The following TTBK2 variants were observed in gnomAD, a reference collection of about 807,000 sequenced individuals.
TTBK2 encodes the protein tau-tubulin kinase 2.
A neutral mutation model predicts 110.8 loss-of-function variants in TTBK2; 28 were observed. The observed-to-expected ratio is 0.25, with a 90% CI of 0.19 to 0.35. The LOEUF is 0.35. TTBK2 is among the 10% of genes least tolerant of loss of function. The probability of loss-of-function intolerance (pLI) is 1.00; values close to 1 mark genes in which losing one functional copy is unlikely to be tolerated. For synonymous variants in TTBK2, 532 were observed against 527.3 expected, an observed-to-expected ratio of 1.01 and a Z score of -0.12; for missense variants, 1,369 against 1,500.3, an observed-to-expected ratio of 0.91 and a Z score of 1.45.
At chr15:42,853,531 G>T (rs1011064685) in intron 3 of TTBK2, among the ~76,000 whole-genome samples, 2 of 151,912 alleles carry the variant, frequency 1.3e-5, no homozygotes, top group African/African-American at 2.4e-5. Flanking sequence ...TCTCATCCAA[G>T]GGAAAAAACA....
At chr15:42,897,702 T>C (rs1895719708) in intron 1 of TTBK2, among the ~76,000 whole-genome samples, 1 of 152,058 alleles carries the variant, frequency 6.6e-6, no homozygotes, top group African/African-American at 2.4e-5. Flanking sequence ...TTTGAATAAA[T>C]TCACAAGGAA....
chr15:42,762,192 C>T (rs1354613508), intron 13 of TTBK2, among the ~76,000 whole-genome samples: 2 of 152,122 alleles, frequency 1.3e-5, no homozygotes, highest in African/African-American at 4.8e-5. Context: ...AGTATGAGAA[C>T]AGAGTAATAC....
rs2061751435 is a variant in TTBK2 at position 42,741,534 on chromosome 15, C to T, written c.*4261G>A. On this transcript the variant is annotated 3_prime_UTR_variant, in exon 15 of 15. Coordinates refer to ENST00000267890, the MANE Select transcript of TTBK2 (RefSeq NM_173500.4). ...GTGACACAGGTGCTAAAGTACCTCT[C>T]CCCTGAGGCAAAGTCCCGACACATC... The T allele has an allele frequency of 6.6e-6, 1 of 152,196 alleles. No homozygotes were observed. The highest frequency in any genetic ancestry group is 6.5e-5 in the Admixed American group (1 of 15,280). The allele number at this position is 152,196 out of a possible 1,614,324, so 9.4% of individuals were successfully genotyped here. A position where few individuals can be genotyped will look rare whatever the true frequency, so the allele number is the denominator to read the frequency against.
At position 42,872,642 on chromosome 15, in the gene TTBK2, T is replaced by C. The variant is rs1348910653; in HGVS notation, c.186A>G (p.Lys62=). 6.2e-7 allele frequency: 1 copy of C among 1,614,130 alleles called. No individual in the cohort carries two copies. Among genetic ancestry groups the C allele is most frequent in the Admixed American group, 1.7e-5 (1 of 60,008 alleles). Residue 62 remains lysine, a synonymous_variant, in exon 3 of 15, where the codon AAA becomes AAG. Coordinates refer to ENST00000267890, the MANE Select transcript of TTBK2 (RefSeq NM_173500.4). ...GCTTTTTCAAAACAGCAACTTCCAT[T>C]TTCAGAACTTGTTTTGGTTGTTGAG... ...ESAQQPKQVL[K]MEVAVLKKLQ... is the part of the protein sequence containing the mutation.
intron 3 of TTBK2, among the ~76,000 whole-genome samples, chr15:42,848,158 A>C (rs1893545684): frequency 6.6e-6 from 1 of 152,216 alleles, no homozygotes; most frequent in Non-Finnish European, 1.5e-5. Flanking sequence ...TGCCTCACAA[A>C]GACATTTTTA....
At chr15:42,873,506 T>A (rs764674324) in intron 2 of TTBK2, among the ~76,000 whole-genome samples, 14 of 151,984 alleles carry the variant, frequency 9.2e-5, no homozygotes, top group Non-Finnish European at 1.5e-4. Flanking sequence ...CTCTCTGAGG[T>A]ACCTAACAGG....
intron 9 of TTBK2, among the ~76,000 whole-genome samples, chr15:42,806,020 T>C (rs1437526198): frequency 6.6e-6 from 1 of 152,168 alleles, no homozygotes; most frequent in Non-Finnish European, 1.5e-5. Flanking sequence ...TCCCAGCACT[T>C]TGGGAGGCCA....
chr15:42,798,129 C>T (rs1326670183), intron 9 of TTBK2: 1 of 430,838 alleles, frequency 2.3e-6, no homozygotes, highest in African/African-American at 2.0e-5. Flanking sequence ...GGTGATCCAC[C>T]CACCTCGGCC....
chr15:42,788,160 A>T (rs962628752), intron 10 of TTBK2, among the ~76,000 whole-genome samples: 1 of 152,226 alleles, frequency 6.6e-6, no homozygotes, highest in Non-Finnish European at 1.5e-5. Flanking sequence ...TACACGGCAC[A>T]TGACTGTAGT....
intron 3 of TTBK2, among the ~76,000 whole-genome samples, chr15:42,852,185 T>A (rs1037051649): frequency 1.3e-5 from 2 of 152,084 alleles, no homozygotes; most frequent in African/African-American, 4.8e-5. Context: ...TTCTCCTGCC[T>A]TAGCCACCTG....
At chr15:42,859,577 T>C (rs1298139714) in intron 3 of TTBK2, among the ~76,000 whole-genome samples, 3 of 152,120 alleles carry the variant, frequency 2.0e-5, no homozygotes, top group Non-Finnish European at 4.4e-5. Flanking sequence ...GAACTAATAA[T>C]AGGACTATGG....
intron 13 of TTBK2, among the ~76,000 whole-genome samples, chr15:42,754,085 CTTTTT>C (rs68057465): frequency 7.6e-6 from 1 of 132,228 alleles, no homozygotes. Context: ...CTAATGTTTT[CTTTTT>C]TTTTTTTTTT....
At position 42,745,778 on chromosome 15, in the gene TTBK2, G is replaced by C. The variant is rs1172025513; in HGVS notation, c.*17C>G. ...GGAGGAAGATCTCACACCTTTCAAA[G>C]AGATGCAGCCTGGCTCCTATCTGCT... On this transcript the variant is annotated 3_prime_UTR_variant, in exon 15 of 15. Coordinates refer to ENST00000267890, the MANE Select transcript of TTBK2 (RefSeq NM_173500.4). 1.2e-6 allele frequency: 2 copies of C among 1,613,626 alleles called. No homozygotes were observed. Among genetic ancestry groups the C allele is most frequent in the Non-Finnish European group, 1.7e-6 (2 of 1,179,936 alleles).
intron 3 of TTBK2, among the ~76,000 whole-genome samples, chr15:42,857,019 C>G (rs1237507913): frequency 1.3e-5 from 2 of 151,822 alleles, no homozygotes; most frequent in Non-Finnish European, 2.9e-5. Flanking sequence ...TGAGATCACG[C>G]CACTGCACTC....
chr15:42,886,734 C>T (rs909532029), intron 1 of TTBK2, among the ~76,000 whole-genome samples: 1 of 152,226 alleles, frequency 6.6e-6, no homozygotes, highest in Non-Finnish European at 1.5e-5. Flanking sequence ...CACACAAAAA[C>T]TTCAAAACGC....
At chr15:42,767,994 A>C (rs1016554040) in intron 13 of TTBK2, among the ~76,000 whole-genome samples, 3 of 152,250 alleles carry the variant, frequency 2.0e-5, no homozygotes, top group Non-Finnish European at 1.5e-5. Context: ...TCACATAAAC[A>C]GAACCAATGA....
At chr15:42,898,546 A>G (rs1316874451) in intron 1 of TTBK2, among the ~76,000 whole-genome samples, 1 of 152,116 alleles carries the variant, frequency 6.6e-6, no homozygotes, top group Non-Finnish European at 1.5e-5. Flanking sequence ...AAAAAAAAGC[A>G]TTGACAGAGT....
At chr15:42,827,834 C>T (rs1170029925) in intron 6 of TTBK2, 94 bp downstream of exon 6, 2 of 964,516 alleles carry the variant, frequency 2.1e-6, no homozygotes, top group East Asian at 5.3e-5. Context: ...AGATAACATC[C>T]ATTAGGATAA....
intron 1 of TTBK2, among the ~76,000 whole-genome samples, chr15:42,883,253 T>C (rs1443876872): frequency 6.6e-6 from 1 of 151,640 alleles, no homozygotes; most frequent in Non-Finnish European, 1.5e-5. Flanking sequence ...TGGTGACACA[T>C]GCCTGTAATC....
Sources: allele counts gnomAD v4.1 joint callset (sites outside exome capture counted in the v4.1 genomes callset), GRCh38; gene constraint gnomAD v4.1.1; transcripts MANE v1.5; gene names NCBI Gene and HGNC (gene_info 2026-07-23, HGNC 2026-07-21).